The following PLAAT5 variants were observed in gnomAD, a reference collection of about 807,000 sequenced individuals.
PLAAT5 encodes phospholipase A and acyltransferase 5, also known as Ca(2+)-independent N-acyltransferase.
A neutral mutation model predicts 27.8 loss-of-function variants in PLAAT5; 27 were observed. The ratio of observed to expected loss-of-function variants is 0.97; its 90% confidence interval spans 0.72 to 1.34. The LOEUF (loss-of-function observed/expected upper bound fraction) is 1.34. Among genes scored for constraint, PLAAT5 ranks in the 40% most tolerant of loss-of-function variants. PLAAT5 has a pLI of 0.00. For synonymous variants in PLAAT5, 125 were observed against 136.1 expected (o/e 0.92, Z 0.57); for missense variants, 368 against 343.8 (o/e 1.07, Z -0.56).
In PLAAT5 at chr11:63,462,229, A is replaced by G. The variant is rs2015737746; in HGVS notation, c.*1274T>C. Reference sequence around the variant, plus strand: ...TCTGCTTCCAAGGAAGTCTCAACCTAGACCATATAATGAATAGAGACTGAA... The same window carrying G: ...TCTGCTTCCAAGGAAGTCTCAACCTGGACCATATAATGAATAGAGACTGAA... On this transcript the variant is annotated 3_prime_UTR_variant, in exon 6 of 6. Coordinates refer to ENST00000540857, the MANE Select transcript of PLAAT5 (RefSeq NM_001146729.2). The G allele has an allele frequency of 6.6e-6, 1 of 152,218 alleles. No homozygotes were observed. The highest frequency in any genetic ancestry group is 2.4e-5 in the African/African-American group (1 of 41,448). The allele number at this position is 152,218 out of a possible 1,614,324, so 9.4% of individuals were successfully genotyped here.
chr11:63,468,451 G>C lies in PLAAT5; in HGVS notation c.360C>G (p.Pro120=), dbSNP rs752172624. ...AAATCTCAATCAGGTCTCCAGGTCT[G>C]GGTCTTGGTTTTCCCTATAATGGAA... is the stretch of plus-strand genomic sequence containing the variant. ...IKQAAEGKPR[P]RPGDLIEIFR... The change falls in exon 4 of 6, where the codon CCC becomes CCG. Residue 120 remains proline (P), a synonymous_variant. Coordinates refer to ENST00000540857, the MANE Select transcript of PLAAT5 (RefSeq NM_001146729.2). The C allele has an allele frequency of 8.7e-6, 14 of 1,613,546 alleles. No homozygotes were observed. Among genetic ancestry groups the C allele is most frequent in the Non-Finnish European group, 1.2e-5 (14 of 1,179,666 alleles).
chr11:63,471,541 G>T (rs1478080675), intron 3 of PLAAT5, among the ~76,000 whole-genome samples: 1 of 152,080 alleles, frequency 6.6e-6, no homozygotes, highest in Non-Finnish European at 1.5e-5. Context: ...CCATTTCCAT[G>T]GAAGAGTAAA....
At position 63,462,557 on chromosome 11, in the gene PLAAT5, A is replaced by T. The variant is rs1057319255; in HGVS notation, c.*946T>A. 1 of 152,216 alleles carries T rather than the reference A, an allele frequency of 6.6e-6. No individual in the cohort carries two copies. The highest frequency in any genetic ancestry group is 2.4e-5 in the African/African-American group (1 of 41,460). The allele number at this position is 152,216 out of a possible 1,614,324, so 9.4% of individuals were successfully genotyped here. ...TTATCTGAAACACTCTGAGGGTTCCATCTTGCTCTTTTCCACATTCTTCAT... is the reference window on the plus strand; with the variant it reads ...TTATCTGAAACACTCTGAGGGTTCCTTCTTGCTCTTTTCCACATTCTTCAT... On this transcript the variant is annotated 3_prime_UTR_variant, in exon 6 of 6. Coordinates refer to ENST00000540857, the MANE Select transcript of PLAAT5 (RefSeq NM_001146729.2).
intron 1 of PLAAT5, 140 bp downstream of exon 1, chr11:63,490,747 G>T: frequency 1.2e-6 from 1 of 810,796 alleles, no homozygotes; most frequent in Non-Finnish European, 1.9e-6. Context: ...ACAAGCGGTC[G>T]TTCTGAAATA....
chr11:63,483,814 T>TAC (rs1178486581), intron 3 of PLAAT5, among the ~76,000 whole-genome samples: 3 of 98,966 alleles, frequency 3.0e-5, no homozygotes, highest in Non-Finnish European at 6.2e-5. Flanking sequence ...TATATATATA[T>TAC]ATATATATAT....
At chr11:63,472,339 G>A (rs912725167) in intron 3 of PLAAT5, among the ~76,000 whole-genome samples, 12 of 152,200 alleles carry the variant, frequency 7.9e-5, no homozygotes, top group African/African-American at 2.9e-4. Flanking sequence ...TAATGCTGCT[G>A]AGATTCATGC....
intron 4 of PLAAT5, 80 bp downstream of exon 4, chr11:63,468,277 G>T: frequency 1.9e-6 from 2 of 1,036,186 alleles, no homozygotes; most frequent in Non-Finnish European, 1.5e-6. Flanking sequence ...GGCAGTAACT[G>T]AGGAACACAG....
At chr11:63,463,744 A>G in intron 5 of PLAAT5, 149 bp from the exon 6 acceptor site, 1 of 634,368 alleles carries the variant, frequency 1.6e-6, no homozygotes, top group Non-Finnish European at 2.8e-6. Context: ...TTATATTTTC[A>G]AAACTCCTAG....
chr11:63,477,018 C>T lies in PLAAT5; in HGVS notation c.346-8553G>A, dbSNP rs572676710. 5.9e-5 allele frequency among the ~76,000 whole-genome samples: 9 copies of T among 152,196 alleles called. No homozygotes were observed. The East Asian group carries it at 1.4e-3, about 23-fold the overall frequency. ...TTTTGGCCATTGTGTTTTTCAACCC[C>T]AGTATTTTCATTTGGTGCTTCTTTA... On this transcript the variant is annotated intron_variant, in intron 3 of 5. Coordinates refer to ENST00000540857, the MANE Select transcript of PLAAT5 (RefSeq NM_001146729.2).
intron 3 of PLAAT5, among the ~76,000 whole-genome samples, chr11:63,479,830 C>A (rs1448641089): frequency 6.6e-6 from 1 of 152,200 alleles, no homozygotes; most frequent in Non-Finnish European, 1.5e-5. Context: ...CAATCCAACT[C>A]AGGCTATTAT....
At chr11:63,471,709 A>T (rs1565209960) in intron 3 of PLAAT5, among the ~76,000 whole-genome samples, 1 of 152,234 alleles carries the variant, frequency 6.6e-6, no homozygotes, top group Admixed American at 6.5e-5. Context: ...TTTAGTAGTA[A>T]ATCATTTTAC....
intron 3 of PLAAT5, among the ~76,000 whole-genome samples, chr11:63,477,204 G>C (rs918979399): frequency 6.6e-6 from 1 of 152,164 alleles, no homozygotes; most frequent in African/African-American, 2.4e-5. Flanking sequence ...CTAGGAAACA[G>C]TCTCTACTGT....
intron 3 of PLAAT5, among the ~76,000 whole-genome samples, chr11:63,474,382 TAGTTTTTCTTGAGCC>T (rs2016104611): frequency 6.6e-6 from 1 of 152,214 alleles, no homozygotes; most frequent in Non-Finnish European, 1.5e-5. Flanking sequence ...TTAGATTTTC[TAGTTTTTCTTGAGCC>T]AGTTTTATAA....
At chr11:63,467,229 C>G (rs1403870059) in intron 4 of PLAAT5, among the ~76,000 whole-genome samples, 1 of 151,838 alleles carries the variant, frequency 6.6e-6, no homozygotes, top group Non-Finnish European at 1.5e-5. Context: ...CATTCAGGAG[C>G]AGAAATGGCA....
intron 5 of PLAAT5, among the ~76,000 whole-genome samples, chr11:63,465,802 G>A (rs1181447962): frequency 6.6e-6 from 1 of 151,576 alleles, no homozygotes; most frequent in African/African-American, 2.4e-5. Flanking sequence ...AAGAAAGAGG[G>A]GAAAAAAAGA....
intron 3 of PLAAT5, among the ~76,000 whole-genome samples, chr11:63,477,863 C>CAGTG (rs2120284988): frequency 6.6e-6 from 1 of 152,274 alleles, no homozygotes; most frequent in African/African-American, 2.4e-5. Flanking sequence ...TACCTTTTGT[C>CAGTG]AGTGGATCTC....
chr11:63,481,177 C>A (rs144846535), intron 3 of PLAAT5, among the ~76,000 whole-genome samples: 12 of 152,200 alleles, frequency 7.9e-5, no homozygotes, highest in Admixed American at 7.2e-4. Context: ...TGGTGGCTCA[C>A]GCCTATAATC....
intron 3 of PLAAT5, among the ~76,000 whole-genome samples, chr11:63,483,330 A>C (rs1590624795): frequency 6.6e-6 from 1 of 152,144 alleles, no homozygotes; most frequent in Non-Finnish European, 1.5e-5. Flanking sequence ...CACATGGAAC[A>C]TTCGCCAAGA....
intron 4 of PLAAT5, among the ~76,000 whole-genome samples, chr11:63,467,530 C>A (rs753964136): frequency 3.9e-5 from 6 of 152,044 alleles, no homozygotes; most frequent in Admixed American, 6.6e-5. Context: ...AAGTTAGGAC[C>A]AAAGGCCTTT....
Sources: allele counts gnomAD v4.1 joint callset (sites outside exome capture counted in the v4.1 genomes callset), GRCh38; gene constraint gnomAD v4.1.1; transcripts MANE v1.5; gene names NCBI Gene and HGNC (gene_info 2026-07-23, HGNC 2026-07-21).